The following PRG4 variants were observed in gnomAD, a reference collection of about 807,000 sequenced individuals.
The protein encoded by PRG4 is articular superficial zone protein.
PRG4 carries 61 observed loss-of-function variants against 91.2 expected under a neutral mutation model. The observed-to-expected ratio is 0.67, with a 90% CI of 0.54 to 0.83. The LOEUF (loss-of-function observed/expected upper bound fraction) is 0.83. Ranked by LOEUF, PRG4 falls within the 40% of genes least tolerant of loss-of-function variation. The pLI, the probability that PRG4 is intolerant of heterozygous loss-of-function variation, is 0.00. For missense variants in PRG4, 1,564 were observed against 1,714.2 expected (o/e 0.91, Z 1.55); for synonymous variants, 576 against 614.2 (o/e 0.94, Z 0.92).
Position 186,306,456 on chromosome 1 carries a change from T to C in PRG4, c.737T>C (p.Val246Ala), listed in dbSNP as rs747236110. 3.7e-6 allele frequency: 6 copies of C among 1,613,612 alleles called. No individual in the cohort carries two copies. The highest frequency in any genetic ancestry group is 3.3e-5 in the South Asian group (3 of 91,070). Reference protein sequence around the residue: ...PDTSTTQHNKVSTSPKITTAK... With the variant: ...PDTSTTQHNKASTSPKITTAK... ...ACGTCTACCACCCAACACAATAAAG[T>C]CAGCACATCTCCCAAGATCACAACA... The change falls in exon 7 of 13, where the codon GTC becomes GCC. Residue 246 changes from valine to alanine, a missense_variant. Coordinates refer to ENST00000445192, the MANE Select transcript of PRG4 (RefSeq NM_005807.6).
At position 186,308,703 on chromosome 1, in the gene PRG4, C is replaced by G; in HGVS notation, c.2984C>G (p.Thr995Ser). The change falls in exon 7 of 13, where the codon ACT becomes AGT. Residue 995 changes from threonine (T) to serine (S), a missense_variant. Thr to Ser is a moderately conservative substitution (Grantham distance 58). Transcript: ENST00000445192. ...VTTTKKTITT[T>S]EIMNKPEETA... Reference sequence around the variant, plus strand: ...ACAACAAAAAAGACAATTACTACCACTGAGATTATGAACAAACCTGAAGAA... The same window carrying G: ...ACAACAAAAAAGACAATTACTACCAGTGAGATTATGAACAAACCTGAAGAA... 2 of 1,613,340 alleles carry G rather than the reference C, an allele frequency of 1.2e-6. No individual in the cohort carries two copies.
In PRG4 at chr1:186,307,607, G is replaced by C. The variant is rs779434500; in HGVS notation, c.1888G>C (p.Glu630Gln). ...TPKKLTPTTPEKLAPTTPEKP... is the reference protein window; with the variant it reads ...TPKKLTPTTPQKLAPTTPEKP... Reference sequence around the variant, plus strand: ...CAAGAAGCTCACGCCCACCACCCCCGAGAAGCTCGCACCCACCACCCCTGA... The same window carrying C: ...CAAGAAGCTCACGCCCACCACCCCCCAGAAGCTCGCACCCACCACCCCTGA... The change falls in exon 7 of 13, where the codon GAG becomes CAG. Residue 630 changes from glutamate to glutamine, a missense_variant. Physicochemically the swap from Glu to Gln is conservative, Grantham distance 29. Around this residue, in one of 3 missense-constraint regions of PRG4, gnomAD observed 1,079 missense variants for 1,162.2 expected, o/e 0.93. Coordinates refer to ENST00000445192, the MANE Select transcript of PRG4 (RefSeq NM_005807.6). 81 of 720,904 alleles carry C rather than the reference G, an allele frequency of 1.1e-4. No homozygotes were observed. In the South Asian group the frequency reaches 1.8e-3, roughly 16 times the overall value. 44.7% of individuals were successfully genotyped at this position (720,904 alleles called of 1,614,324 possible).
intron 7 of PRG4, among the ~76,000 whole-genome samples, 195 bp downstream of exon 7, chr1:186,309,335 A>T (rs1343227079): frequency 2.0e-5 from 3 of 152,206 alleles, no homozygotes; most frequent in Non-Finnish European, 2.9e-5. Context: ...TAGAAAATTA[A>T]GCCTGGGAAT....
At chr1:186,300,297 G>A (rs1656121438) in intron 3 of PRG4, 84 bp downstream of exon 3, 23 of 1,571,754 alleles carry the variant, frequency 1.5e-5, no homozygotes, top group Non-Finnish European at 1.9e-5. Context: ...GCAGTGCTGT[G>A]AGACTGAGCC....
At chr1:186,312,676 TA>T in intron 11 of PRG4, 92 bp from the exon 12 acceptor site, 1 of 1,382,760 alleles carries the variant, frequency 7.2e-7, no homozygotes, top group Non-Finnish European at 1.0e-6. Flanking sequence ...ATCAGAGGGC[TA>T]AAACTGAGAT....
chr1:186,308,245 T>C lies in PRG4; in HGVS notation c.2526T>C (p.Pro842=), dbSNP rs1053416542. ...CTGCACCCACTACCCCCAAGAAGCC[T>C]GCTCCAACTACTCCTGAGACACCTC... The part of the protein sequence containing the change: ...KEPAPTTPKK[P]APTTPETPPP... Residue 842 remains proline (P), a synonymous_variant, in exon 7 of 13, where the codon CCT becomes CCC. Transcript: ENST00000445192. 1 of 1,613,656 alleles carries C rather than the reference T, an allele frequency of 6.2e-7. No individual in the cohort carries two copies. Among genetic ancestry groups the C allele is most frequent in the Non-Finnish European group, 8.5e-7 (1 of 1,179,924 alleles).
Position 186,312,156 on chromosome 1 carries a change from AT to A in PRG4, c.3794-18del, listed in dbSNP as rs777908416. On this transcript the variant is annotated intron_variant, in intron 10 of 12. Transcript: ENST00000445192. ...AAAATTAATTTTCATTTTCCATGTG[AT>A]ATTCTAATACATAACAGGTGGCAGC... 1 of 1,607,488 alleles carries A rather than the reference AT, an allele frequency of 6.2e-7. No individual in the cohort carries two copies. The highest frequency in any genetic ancestry group is 1.1e-5 in the South Asian group (1 of 90,922).
At chr1:186,310,874 G>A (rs985323733) in intron 8 of PRG4, among the ~76,000 whole-genome samples, 160 bp from the exon 9 acceptor site, 15 of 152,092 alleles carry the variant, frequency 9.9e-5, no homozygotes, top group Non-Finnish European at 2.2e-4. Flanking sequence ...TCGGACTTGG[G>A]AAATACCTGC....
Position 186,314,407 on chromosome 1 carries a change from A to G in PRG4, c.*629A>G. The G allele has an allele frequency of 2.8e-6, 1 of 362,496 alleles. No individual in the cohort carries two copies. The allele number at this position is 362,496 out of a possible 1,614,324, so 22.5% of individuals were successfully genotyped here. On this transcript the variant is annotated 3_prime_UTR_variant, in exon 13 of 13. Transcript: ENST00000445192. ...TAATTTGGATTTAAGGAAGAAATCA[A>G]TAAATATAAAATATAAGCACATATT... is the stretch of plus-strand genomic sequence containing the variant.
chr1:186,309,211 C>A, intron 7 of PRG4, 71 bp downstream of exon 7: 1 of 1,474,850 alleles, frequency 6.8e-7, no homozygotes. Flanking sequence ...ACCAGAATGC[C>A]TTAGTTTAGT....
Position 186,296,433 on chromosome 1 carries a change from A to C in PRG4, c.-31+140A>C, listed in dbSNP as rs186281173. 5.2e-4 allele frequency: 84 copies of C among 162,232 alleles called. 2 individuals are homozygous for C. The highest frequency in any genetic ancestry group is 3.3e-3 in the South Asian group (20 of 6,018). The allele number at this position is 162,232 out of a possible 1,614,324, so 10.0% of individuals were successfully genotyped here. On this transcript the variant is annotated intron_variant, in intron 1 of 12. Transcript: ENST00000445192. ...CAATACACCTGTTGGAAGCCTTTGA[A>C]TTTATATTGAGAATTAAGAAAAAGT...
At position 186,308,694 on chromosome 1, in the gene PRG4, T is replaced by C. The variant is rs1276970333; in HGVS notation, c.2975T>C (p.Ile992Thr). Residue 992 changes from isoleucine (I) to threonine (T), a missense_variant, in exon 7 of 13, where the codon ATT (isoleucine) becomes ACT (threonine). Ile to Thr is a moderately conservative substitution (Grantham distance 89). This residue lies in a region of PRG4 where 1,079 missense variants were observed against 1,162.2 expected (regional missense o/e 0.93). Transcript: ENST00000445192. Reference protein sequence around the residue: ...APKVTTTKKTITTTEIMNKPE... With the variant: ...APKVTTTKKTTTTTEIMNKPE... ...AAAGTAACTACAACAAAAAAGACAATTACTACCACTGAGATTATGAACAAA... is the reference window on the plus strand; with the variant it reads ...AAAGTAACTACAACAAAAAAGACAACTACTACCACTGAGATTATGAACAAA... The C allele has an allele frequency of 1.2e-6, 2 of 1,611,570 alleles. No homozygotes were observed. The highest frequency in any genetic ancestry group is 1.1e-5 in the South Asian group (1 of 90,504).
At chr1:186,305,526 A>G (rs1224476362) in intron 6 of PRG4, among the ~76,000 whole-genome samples, 1 of 152,218 alleles carries the variant, frequency 6.6e-6, no homozygotes, top group Admixed American at 6.5e-5. Context: ...GGTTCTAAAT[A>G]TATATTCTCT....
In PRG4 at chr1:186,309,773, GTTTTT is replaced by G; in HGVS notation, c.3422-19_3422-15del. The G allele has an allele frequency of 6.4e-7, 1 of 1,574,486 alleles. No individual in the cohort carries two copies. The highest frequency in any genetic ancestry group is 8.7e-7 in the Non-Finnish European group (1 of 1,144,252). On this transcript the variant is annotated splice_polypyrimidine_tract_variant and intron_variant, in intron 7 of 12. Coordinates refer to ENST00000445192, the MANE Select transcript of PRG4 (RefSeq NM_005807.6). ...TCTCATTCTGTTCTATATTTGTTTT[GTTTTT>G]GTTAATTTGTTTAGATGAGACCAAT...
At chr1:186,296,399 A>G (rs1655864359) in intron 1 of PRG4, 106 bp downstream of exon 1, 1 of 156,218 alleles carries the variant, frequency 6.4e-6, no homozygotes, top group Admixed American at 6.2e-5. Flanking sequence ...GAAAAGGATT[A>G]TGTTTATGCA....
rs1474963552 is a variant in PRG4 at position 186,308,966 on chromosome 1, C to G, written c.3247C>G (p.Pro1083Ala). 1 of 1,607,352 alleles carries G rather than the reference C, an allele frequency of 6.2e-7. No individual in the cohort carries two copies. The highest frequency in any genetic ancestry group is 2.2e-5 in the East Asian group (1 of 44,826). The stretch of plus-strand genomic sequence containing the variant: ...AACCACCACCAGACCTAACCAAACT[C>G]CAAACTCCAAACTAGTTGAAGTAAA... The part of the protein sequence containing the change: ...LQTTTRPNQT[P>A]NSKLVEVNPK... Residue 1083 changes from proline (P) to alanine (A), a missense_variant, in exon 7 of 13, where the codon CCA (proline) becomes GCA (alanine). Pro to Ala is a conservative substitution (Grantham distance 27). This residue lies in a region of PRG4 where 1,079 missense variants were observed against 1,162.2 expected (regional missense o/e 0.93). Coordinates refer to ENST00000445192, the MANE Select transcript of PRG4 (RefSeq NM_005807.6).
At chr1:186,310,811 G>C (rs1436194069) in intron 8 of PRG4, among the ~76,000 whole-genome samples, 1 of 151,812 alleles carries the variant, frequency 6.6e-6, no homozygotes, top group Non-Finnish European at 1.5e-5. Flanking sequence ...CAACCAATAG[G>C]CTCTTTCTAA....
rs1571553131 is a variant in PRG4 at position 186,301,482 on chromosome 1, G to A, written c.200-110G>A. On this transcript the variant is annotated intron_variant, in intron 3 of 12. Coordinates refer to ENST00000445192, the MANE Select transcript of PRG4 (RefSeq NM_005807.6). ...CTCCAAATTTCAAATAAAAGACTTAGAAATGAACTTTTGGAAACCTAGTCA... is the reference window on the plus strand; with the variant it reads ...CTCCAAATTTCAAATAAAAGACTTAAAAATGAACTTTTGGAAACCTAGTCA... 8 of 1,484,904 alleles carry A rather than the reference G, an allele frequency of 5.4e-6. No homozygotes were observed. The East Asian group carries it at 1.8e-4, about 34-fold the overall frequency. 92.0% of individuals were successfully genotyped at this position (1,484,904 alleles called of 1,614,324 possible).
rs1457423913 is a variant in PRG4 at position 186,301,678 on chromosome 1, T to A, written c.286T>A (p.Cys96Ser). 1 of 1,613,684 alleles carries A rather than the reference T, an allele frequency of 6.2e-7. No homozygotes were observed. The highest frequency in any genetic ancestry group is 8.5e-7 in the Non-Finnish European group (1 of 1,179,750). Residue 96 changes from cysteine (C) to serine (S), a missense_variant, in exon 4 of 13, where the codon TGC becomes AGC. Cys to Ser is a moderately radical substitution (Grantham distance 112). Transcript: ENST00000445192. ...CGCCCAATGTAAGAAGTATGACAAG[T>A]GCTGTCCCGATTATGAGAGTTTCTG... ...CDAQCKKYDK[C>S]CPDYESFCAE...
Sources: allele counts gnomAD v4.1 joint callset (sites outside exome capture counted in the v4.1 genomes callset), GRCh38; gene constraint gnomAD v4.1.1; regional missense constraint gnomAD v4.1.1; transcripts MANE v1.5; gene names NCBI Gene and HGNC (gene_info 2026-07-23, HGNC 2026-07-21).